Variants in NPSR1 observed in about 807,000 individuals in gnomAD.
NPSR1 encodes neuropeptide S receptor 1, also known as neuropeptide S receptor.
A neutral mutation model predicts 46.9 loss-of-function variants in NPSR1; 48 were observed. That is an observed-to-expected ratio of 1.02 (90% confidence interval 0.81 to 1.30). The LOEUF (loss-of-function observed/expected upper bound fraction) is 1.30. Ranked by LOEUF, NPSR1 falls within the 50% of genes most tolerant of loss-of-function variation. The pLI, the probability that NPSR1 is intolerant of heterozygous loss-of-function variation, is 0.00. For synonymous variants in NPSR1, 176 were observed against 168.1 expected, an observed-to-expected ratio of 1.05 and a Z score of -0.36; for missense variants, 450 against 449.5, an observed-to-expected ratio of 1.00 and a Z score of -0.01.
chr7:34,868,702 A>G (rs938265798), intron 8 of NPSR1, among the ~76,000 whole-genome samples: 1 of 151,632 alleles, frequency 6.6e-6, no homozygotes, highest in African/African-American at 2.4e-5. Context: ...CTCTCACAGT[A>G]TTGTAGTCTT....
Position 34,767,215 on chromosome 7 carries a change from A to G in NPSR1, c.281-11247A>G, listed in dbSNP as rs144296270. On this transcript the variant is annotated intron_variant, in intron 2 of 8. Coordinates refer to ENST00000360581, the MANE Select transcript of NPSR1 (RefSeq NM_207172.2). Reference sequence around the variant, plus strand: ...CAATGTCAATTTCCTGGTTTTCATCATTATACTGATATTGACCAGGTAGAG... The same window carrying G: ...CAATGTCAATTTCCTGGTTTTCATCGTTATACTGATATTGACCAGGTAGAG... Among the ~76,000 whole-genome samples, 525 of 152,318 alleles carry G rather than the reference A, an allele frequency of 3.4e-3. 1 individual carries two copies. The highest frequency in any genetic ancestry group is 0.012 in the African/African-American group (506 of 41,566).
At chr7:34,761,873 A>T (rs778053333) in intron 2 of NPSR1, among the ~76,000 whole-genome samples, 32 of 152,270 alleles carry the variant, frequency 2.1e-4, no homozygotes, top group Admixed American at 1.2e-3. Context: ...CCTTAAGTGG[A>T]GTGAGGAGGA....
chr7:34,795,751 T>A (rs1248973268), intron 3 of NPSR1, among the ~76,000 whole-genome samples: 1 of 152,030 alleles, frequency 6.6e-6, no homozygotes, highest in South Asian at 2.1e-4. Context: ...ATGAAAGTAA[T>A]CAAAGAAAAA....
At chr7:34,813,063 G>C (rs2128751315) in intron 4 of NPSR1, among the ~76,000 whole-genome samples, 1 of 152,250 alleles carries the variant, frequency 6.6e-6, no homozygotes, top group African/African-American at 2.4e-5. Context: ...GCAGCCCTTT[G>C]ATATGACTTC....
intron 2 of NPSR1, among the ~76,000 whole-genome samples, chr7:34,752,520 A>G (rs750637077): frequency 6.6e-6 from 1 of 152,180 alleles, no homozygotes; most frequent in Non-Finnish European, 1.5e-5. Flanking sequence ...GTTACATTCC[A>G]GCCTTCGTAC....
intron 1 of NPSR1, among the ~76,000 whole-genome samples, chr7:34,663,041 T>TTCTCTCTCTCTCTCTCTCTCTCTCTCTC (rs376420280): frequency 5.7e-4 from 62 of 108,324 alleles, no homozygotes; most frequent in Admixed American, 8.5e-4. Flanking sequence ...TGTAGTGCAT[T>TTCTCTCTCTCTCTCTCTCTCTCTCTCTC]TCTCTCTCTC....
intron 7 of NPSR1, among the ~76,000 whole-genome samples, chr7:34,847,403 A>G (rs1790774497): frequency 1.5e-5 from 1 of 67,720 alleles, no homozygotes. Flanking sequence ...GAGGAAAATG[A>G]GAGAGAGAGA....
chr7:34,687,175 A>G (rs1189632189), intron 2 of NPSR1, among the ~76,000 whole-genome samples: 1 of 151,804 alleles, frequency 6.6e-6, no homozygotes, highest in Non-Finnish European at 1.5e-5. Flanking sequence ...TTTTTTAACA[A>G]AGGAAGTTGC....
intron 2 of NPSR1, among the ~76,000 whole-genome samples, chr7:34,700,312 G>A (rs1272301813): frequency 2.0e-5 from 3 of 152,324 alleles, no homozygotes; most frequent in East Asian, 3.9e-4. Context: ...TGCAACGATT[G>A]TACTGGGTAG....
chr7:34,837,968 A>C, intron 6 of NPSR1, among the ~76,000 whole-genome samples: 1 of 152,184 alleles, frequency 6.6e-6, no homozygotes, highest in East Asian at 1.9e-4. Flanking sequence ...CAGACGAATC[A>C]GATTGGTGTA....
intron 2 of NPSR1, among the ~76,000 whole-genome samples, chr7:34,733,525 A>G (rs1201053696): frequency 2.0e-5 from 3 of 152,194 alleles, no homozygotes; most frequent in African/African-American, 7.2e-5. Flanking sequence ...AGTTAGTTCA[A>G]ATTTTTAGGA....
chr7:34,826,899 A>AG (rs1554336623), intron 4 of NPSR1, among the ~76,000 whole-genome samples: 17 of 152,036 alleles, frequency 1.1e-4, no homozygotes, highest in African/African-American at 4.1e-4. Flanking sequence ...AAAAAAAAAA[A>AG]AAAGAAAGAA....
chr7:34,874,121 C>T (rs1177841779), intron 8 of NPSR1, among the ~76,000 whole-genome samples: 5 of 149,034 alleles, frequency 3.4e-5, no homozygotes, highest in African/African-American at 1.0e-4. Flanking sequence ...AATCTGGCTT[C>T]CCACCCCAGC....
intron 2 of NPSR1, among the ~76,000 whole-genome samples, chr7:34,694,551 A>C (rs143159694): frequency 1.3e-3 from 203 of 152,362 alleles, no homozygotes; most frequent in Admixed American, 2.4e-3. Context: ...TCCCATGCTC[A>C]TGGATTGGAA....
At chr7:34,727,190 G>A (rs1784199901) in intron 2 of NPSR1, among the ~76,000 whole-genome samples, 1 of 151,714 alleles carries the variant, frequency 6.6e-6, no homozygotes, top group Admixed American at 6.6e-5. Flanking sequence ...AAAATAAGGT[G>A]TTTTTTTTAA....
In NPSR1 at chr7:34,849,480, C is replaced by T. The variant is rs557726679; in HGVS notation, c.1026-85C>T. The T allele has an allele frequency of 2.5e-6, 4 of 1,603,442 alleles. No individual in the cohort carries two copies. The African/African-American group carries it at 5.4e-5, about 21-fold the overall frequency. On this transcript the variant is annotated intron_variant, in intron 8 of 8. Transcript: ENST00000360581. Reference sequence around the variant, plus strand: ...GTTGTCTGACATTTAATACATTTTTCATAACTATTGTCTCTTAACATGTCT... The same window carrying T: ...GTTGTCTGACATTTAATACATTTTTTATAACTATTGTCTCTTAACATGTCT...
intron 3 of NPSR1, among the ~76,000 whole-genome samples, chr7:34,797,844 A>G (rs1258696446): frequency 2.0e-5 from 3 of 152,212 alleles, no homozygotes; most frequent in African/African-American, 7.2e-5. Flanking sequence ...ATCAGAAATC[A>G]GCCAAGTAAG....
chr7:34,848,037 C>G (rs903346550), intron 7 of NPSR1, among the ~76,000 whole-genome samples: 3 of 152,178 alleles, frequency 2.0e-5, no homozygotes, highest in African/African-American at 7.2e-5. Flanking sequence ...TGTGATCACC[C>G]CTTCTCCCTG....
intron 1 of NPSR1, 64 bp downstream of exon 1, chr7:34,658,623 G>A (rs1388594438): frequency 2.0e-6 from 3 of 1,471,086 alleles, no homozygotes; most frequent in Non-Finnish European, 1.9e-6. Context: ...GAACTTAAGA[G>A]TGTCAATTGA....
Sources: allele counts gnomAD v4.1 joint callset (sites outside exome capture counted in the v4.1 genomes callset), GRCh38; gene constraint gnomAD v4.1.1; transcripts MANE v1.5; gene names NCBI Gene and HGNC (gene_info 2026-07-23, HGNC 2026-07-21).